RAB6A: variants seen among roughly 807,000 people sequenced by gnomAD.
The protein encoded by RAB6A is RAB6A, member RAS oncogene family, also known as ras-related protein Rab-6A.
A neutral mutation model predicts 32.3 loss-of-function variants in RAB6A; 8 were observed. The ratio of observed to expected loss-of-function variants is 0.25; its 90% CI spans 0.15 to 0.45. The LOEUF (loss-of-function observed/expected upper bound fraction) is 0.45. RAB6A is among the 20% of genes least tolerant of loss of function. The probability of loss-of-function intolerance (pLI) is 1.00; values close to 1 mark genes in which losing one functional copy is unlikely to be tolerated. For missense variants in RAB6A, 104 were observed against 249.4 expected (o/e 0.42, Z 3.93); for synonymous variants, 73 against 82.1 (o/e 0.89, Z 0.60).
intron 4 of RAB6A, 35 bp from the exon 5 acceptor site, chr11:73,716,397 G>T: frequency 6.6e-7 from 1 of 1,513,590 alleles, no homozygotes; most frequent in Non-Finnish European, 9.1e-7. Context: ...GATTAGTGTT[G>T]CTGAAAAATG....
At chr11:73,722,205 G>A (rs901679583) in intron 2 of RAB6A, 1 of 148,596 alleles carries the variant, frequency 6.7e-6, no homozygotes, top group African/African-American at 2.5e-5. Flanking sequence ...TCTCCCAGCA[G>A]TGTTTTGTAT....
intron 6 of RAB6A, among the ~76,000 whole-genome samples, chr11:73,684,645 G>C (rs1009287995): frequency 6.6e-6 from 1 of 152,150 alleles, no homozygotes; most frequent in Admixed American, 6.5e-5. Flanking sequence ...CCTGTATGCA[G>C]TTTTGGCCTC....
intron 5 of RAB6A, 38 bp from the exon 6 acceptor site, chr11:73,707,551 T>C (rs751666586): frequency 2.8e-6 from 4 of 1,404,886 alleles, no homozygotes; most frequent in South Asian, 2.3e-5. Context: ...TTTTGAGACA[T>C]GAGGCAGTAT....
At chr11:73,726,515 G>A (rs1590867584) in intron 2 of RAB6A, among the ~76,000 whole-genome samples, 1 of 139,010 alleles carries the variant, frequency 7.2e-6, no homozygotes, top group African/African-American at 2.7e-5. Context: ...CTGGGAGGCG[G>A]AGCTTGCAGT....
At chr11:73,728,552 TGCTTG>T (rs1245641276) in intron 2 of RAB6A, among the ~76,000 whole-genome samples, 1 of 150,354 alleles carries the variant, frequency 6.7e-6, no homozygotes, top group Non-Finnish European at 1.5e-5. Flanking sequence ...GTGAAAGGGT[TGCTTG>T]GGCCCAGGAG....
intron 7 of RAB6A, among the ~76,000 whole-genome samples, chr11:73,679,015 C>T (rs186466489): frequency 1.1e-3 from 165 of 152,164 alleles, no homozygotes; most frequent in African/African-American, 3.8e-3. Context: ...CATAAGCCAC[C>T]GCGCCCGGCC....
intron 6 of RAB6A, among the ~76,000 whole-genome samples, chr11:73,686,801 T>C: frequency 6.6e-6 from 1 of 152,234 alleles, no homozygotes; most frequent in East Asian, 1.9e-4. Flanking sequence ...CCTATTTTCA[T>C]TATATATATA....
intron 6 of RAB6A, chr11:73,704,337 C>A: frequency 4.8e-6 from 1 of 208,014 alleles, no homozygotes. Flanking sequence ...GAGCTGTGAT[C>A]ATGCCACTGC....
chr11:73,756,125 G>A lies in RAB6A; in HGVS notation c.70+4441C>T, dbSNP rs547531423. 9.9e-5 allele frequency among the ~76,000 whole-genome samples: 15 copies of A among 152,260 alleles called. No homozygotes were observed. The East Asian group carries it at 2.1e-3, about 22-fold the overall frequency. On this transcript the variant is annotated intron_variant, in intron 1 of 7. Transcript: ENST00000336083. ...CCCAGCACTTTGGGAGGCTGAGGCC[G>A]GAGGATCTCGCCAGCTCAAAACTTT...
chr11:73,683,272 T>G (rs369361108), intron 6 of RAB6A, among the ~76,000 whole-genome samples: 1 of 73,720 alleles, frequency 1.4e-5, no homozygotes, highest in Non-Finnish European at 2.8e-5. Flanking sequence ...TTTTTTTTTT[T>G]GGAGATATGG....
In RAB6A at chr11:73,745,350, T is replaced by G. The variant is rs536576115; in HGVS notation, c.71-14527A>C. Among the ~76,000 whole-genome samples, 26 of 152,348 alleles carry G rather than the reference T, an allele frequency of 1.7e-4. No homozygotes were observed. In the South Asian group the frequency reaches 5.0e-3, roughly 29 times the overall value. On this transcript the variant is annotated intron_variant, in intron 1 of 7. Transcript: ENST00000336083. ...ACCAAGTAGACTTCATTCAGTACTT[T>G]AGGCAGTTAATGTGGTCCAGAGTTT...
chr11:73,711,895 A>G (rs1200471702), intron 5 of RAB6A, among the ~76,000 whole-genome samples: 1 of 152,172 alleles, frequency 6.6e-6, no homozygotes, highest in Non-Finnish European at 1.5e-5. Context: ...TTCTTTTCAG[A>G]TAATTAAGAG....
intron 6 of RAB6A, among the ~76,000 whole-genome samples, chr11:73,682,918 G>T (rs1473835307): frequency 6.6e-6 from 1 of 152,098 alleles, no homozygotes; most frequent in East Asian, 1.9e-4. Flanking sequence ...ATTAAAAGCA[G>T]AATATAAACT....
In RAB6A at chr11:73,678,393, G is replaced by A. The variant is rs935439004; in HGVS notation, c.563-431C>T. ...ACACTTTGGGAGGTTGAGGCAGGCC[G>A]AACACCTGAGGTCAGGAGTTCAAGA... On this transcript the variant is annotated intron_variant, in intron 7 of 7. Coordinates refer to ENST00000336083, the MANE Select transcript of RAB6A (RefSeq NM_198896.2). Among the ~76,000 whole-genome samples, 10 of 152,246 alleles carry A rather than the reference G, an allele frequency of 6.6e-5. No individual in the cohort carries two copies. The South Asian group carries it at 1.0e-3, about 16-fold the overall frequency.
At position 73,716,421 on chromosome 11, in the gene RAB6A, T is replaced by C. The variant is rs987964203; in HGVS notation, c.290-59A>G. On this transcript the variant is annotated intron_variant, in intron 4 of 7. Coordinates refer to ENST00000336083, the MANE Select transcript of RAB6A (RefSeq NM_198896.2). ...TGCTGAAAAATGCCTCCCCAGGTGG[T>C]GGGCACCTCCCTCCAAAAAAGCCCT... 1.9e-5 allele frequency: 24 copies of C among 1,266,568 alleles called. No homozygotes were observed. In the African/African-American group the frequency reaches 2.8e-4, roughly 15 times the overall value. 78.5% of individuals were successfully genotyped at this position (1,266,568 alleles called of 1,614,324 possible).
chr11:73,679,196 T>G (rs1945316042), intron 7 of RAB6A, among the ~76,000 whole-genome samples: 2 of 152,196 alleles, frequency 1.3e-5, no homozygotes, highest in Admixed American at 1.3e-4. Context: ...TAACTAATAT[T>G]AGATGTCCCA....
At chr11:73,680,943 T>C (rs965482993) in intron 6 of RAB6A, among the ~76,000 whole-genome samples, 1 of 152,216 alleles carries the variant, frequency 6.6e-6, no homozygotes, top group African/African-American at 2.4e-5. Context: ...TGAGAACAGA[T>C]ACTGGAACAA....
chr11:73,680,929 C>T (rs1429842719), intron 6 of RAB6A, among the ~76,000 whole-genome samples: 2 of 152,136 alleles, frequency 1.3e-5, no homozygotes, highest in Non-Finnish European at 2.9e-5. Flanking sequence ...TTTTGAGAGG[C>T]ATATGAGAAC....
intron 1 of RAB6A, among the ~76,000 whole-genome samples, chr11:73,737,552 G>A (rs972395803): frequency 1.3e-5 from 2 of 152,150 alleles, no homozygotes; most frequent in East Asian, 3.8e-4. Flanking sequence ...CTACCCATAA[G>A]AGCCAAAGTG....
Sources: allele counts gnomAD v4.1 joint callset (sites outside exome capture counted in the v4.1 genomes callset), GRCh38; gene constraint gnomAD v4.1.1; transcripts MANE v1.5; gene names NCBI Gene and HGNC (gene_info 2026-07-23, HGNC 2026-07-21).